Variants in IL17REL observed in about 807,000 individuals in gnomAD.
IL17REL encodes interleukin-17 receptor E-like protein.
In IL17REL, 36 loss-of-function variants were observed where a neutral mutation model predicts 49.0. That is an observed-to-expected ratio of 0.73 (90% CI 0.56 to 0.97). The LOEUF (loss-of-function observed/expected upper bound fraction) is 0.97. Among genes scored for constraint, IL17REL ranks in the 50% least tolerant of loss-of-function variants. The pLI, the probability that IL17REL is intolerant of heterozygous loss-of-function variation, is 0.00. For synonymous variants in IL17REL, 206 were observed against 192.4 expected, an observed-to-expected ratio of 1.07 and a Z score of -0.58; for missense variants, 470 against 453.9, an observed-to-expected ratio of 1.04 and a Z score of -0.32.
exon 5 of IL17REL, chr22:49,999,860 A>T: frequency 6.5e-7 from 1 of 1,534,512 alleles, no homozygotes; most frequent in Non-Finnish European, 8.8e-7. Context: ...TCGCAGGTGA[A>T]CCGCTTGAGG....
chr22:50,011,704 G>C (rs12171069), upstream of IL17REL, among the ~76,000 whole-genome samples: 31,865 of 151,880 alleles, frequency 0.21, 3,607 homozygotes, highest in Non-Finnish European at 0.25. Flanking sequence ...TTTCTTCCTT[G>C]TTCCACGAAT....
Position 50,008,465 on chromosome 22 carries a change from A to G in IL17REL, c.-42+172T>C, listed in dbSNP as rs537463613. The stretch of plus-strand genomic sequence containing the variant: ...AGGGTGGCCTTGCCTGGGTGTGGCC[A>G]GGGTCCCACACGCATCGGTGAGTGA... On this transcript the variant is annotated intron_variant, in intron 1 of 12. Coordinates refer to ENST00000341280, the Ensembl canonical transcript of IL17REL. Among the ~76,000 whole-genome samples the G allele has an allele frequency of 7.2e-5, 11 of 152,298 alleles. No homozygotes were observed. The East Asian group carries it at 1.4e-3, about 19-fold the overall frequency.
intron 1 of IL17REL, among the ~76,000 whole-genome samples, chr22:50,006,596 G>A (rs893471141): frequency 3.3e-5 from 5 of 152,098 alleles, no homozygotes. Flanking sequence ...GCACACTTGA[G>A]AGAAATGGAA....
Position 49,997,315 on chromosome 22 carries a change from C to A in IL17REL, c.974+5G>T, listed in dbSNP as rs751312468. The A allele has an allele frequency of 9.3e-6, 15 of 1,612,440 alleles. No individual in the cohort carries two copies. Among genetic ancestry groups the A allele is most frequent in the Non-Finnish European group, 1.3e-5 (15 of 1,179,136 alleles). ...CCAGGATGGAGCCCCACTCTCTCGG[C>A]TCACTGAGGCTGAAGGGAGCGGGCT... On this transcript the variant is annotated splice_donor_5th_base_variant and intron_variant, in intron 11 of 12. Transcript: ENST00000341280.
chr22:49,998,826 C>CGTGTGCATGTGTATGT, intron 7 of IL17REL, among the ~76,000 whole-genome samples: 1 of 146,408 alleles, frequency 6.8e-6, no homozygotes, highest in South Asian at 2.2e-4. Flanking sequence ...CGTGGGTGTG[C>CGTGTGCATGTGTATGT]GTGTGCATGT....
chr22:49,999,237 G>A (rs1284158142), intron 7 of IL17REL, 54 bp downstream of exon 9: 2 of 1,599,392 alleles, frequency 1.3e-6, no homozygotes, highest in Non-Finnish European at 8.6e-7. Context: ...GGTGGAGTCA[G>A]ACTGGCCGCA....
At chr22:49,997,846 G>A in intron 9 of IL17REL, 104 bp from the exon 12 acceptor site, 1 of 1,407,862 alleles carries the variant, frequency 7.1e-7, no homozygotes, top group Non-Finnish European at 1.0e-6. Context: ...AGGGTGCTCT[G>A]GGCCCAGTTC....
At chr22:49,994,106 C>T (rs550329948), downstream of IL17REL, among the ~76,000 whole-genome samples, 173 of 151,518 alleles carry the variant, frequency 1.1e-3, no homozygotes, top group African/African-American at 3.9e-3. Context: ...GGCACCTGGG[C>T]GAGTGGCAGC....
chr22:50,011,510 A>G (rs1294817624), upstream of IL17REL, among the ~76,000 whole-genome samples: 1 of 151,540 alleles, frequency 6.6e-6, no homozygotes, highest in Non-Finnish European at 1.5e-5. Flanking sequence ...ATTTCCTCCC[A>G]GAGGCAAAAG....
At chr22:49,999,911 G>A (rs1393997384) in exon 5 of IL17REL, 2 of 1,537,658 alleles carry the variant, frequency 1.3e-6, no homozygotes, top group South Asian at 1.2e-5. Flanking sequence ...GAGGCCCTGG[G>A]CACTTGCACC....
chr22:49,997,296 T>C, intron 11 of IL17REL, 24 bp downstream of exon 13: 1 of 1,606,196 alleles, frequency 6.2e-7, no homozygotes, highest in Non-Finnish European at 8.5e-7. Context: ...CTCCCCAGGA[T>C]GGAGCCCCAC....
At chr22:50,002,179 A>T (rs371865512) in intron 1 of IL17REL, among the ~76,000 whole-genome samples, 20 of 152,278 alleles carry the variant, frequency 1.3e-4, no homozygotes, top group African/African-American at 4.8e-4. Context: ...CCCACTGGAA[A>T]CCTCCAAAGG....
chr22:50,009,484 C>T (rs986645296), upstream of IL17REL, among the ~76,000 whole-genome samples: 3 of 152,166 alleles, frequency 2.0e-5, no homozygotes, highest in Admixed American at 6.5e-5. Context: ...GTGGCACTGG[C>T]GCCCTCAGAG....
upstream of IL17REL, among the ~76,000 whole-genome samples, chr22:50,010,184 C>T (rs574356907): frequency 2.7e-4 from 41 of 152,382 alleles, no homozygotes; most frequent in African/African-American, 9.9e-4. Context: ...AACCCGCCGC[C>T]CGTGGGCGGA....
intron 1 of IL17REL, among the ~76,000 whole-genome samples, chr22:50,006,628 C>T (rs77108310): frequency 5.9e-5 from 9 of 152,178 alleles, no homozygotes; most frequent in South Asian, 2.1e-4. Flanking sequence ...AAAACCACCA[C>T]GACAGAATTA....
chr22:49,997,569 CTG>C, intron 10 of IL17REL, 86 bp from the exon 13 acceptor site: 1 of 1,380,290 alleles, frequency 7.2e-7, no homozygotes, highest in South Asian at 1.2e-5. Flanking sequence ...CGCCTGCCCA[CTG>C]TACCTCCCCC....
At chr22:50,002,499 T>C (rs543737569) in intron 1 of IL17REL, among the ~76,000 whole-genome samples, 30 of 146,984 alleles carry the variant, frequency 2.0e-4, no homozygotes, top group East Asian at 3.9e-4. Context: ...TCTTTTCTTT[T>C]TTTTTTTTTT....
At chr22:50,004,581 G>A (rs1314568710) in intron 1 of IL17REL, among the ~76,000 whole-genome samples, 2 of 151,966 alleles carry the variant, frequency 1.3e-5, no homozygotes, top group African/African-American at 4.8e-5. Context: ...TCATCCATAT[G>A]TGTGAGGCCA....
intron 1 of IL17REL, among the ~76,000 whole-genome samples, chr22:50,004,141 C>T (rs1239497953): frequency 6.6e-6 from 1 of 151,998 alleles, no homozygotes; most frequent in African/African-American, 2.4e-5. Flanking sequence ...TGCAGTGGTG[C>T]GATCTCGGCT....
Sources: gnomAD v4.1 joint callset for allele counts (sites outside exome capture counted in the v4.1 genomes callset) on GRCh38, gnomAD v4.1.1 for gene constraint, MANE v1.5 for transcripts, NCBI Gene and HGNC (gene_info 2026-07-23, HGNC 2026-07-21) for gene names.